RUVBL1: variants seen among roughly 807,000 people sequenced by gnomAD.
The protein encoded by RUVBL1 is RuvB like AAA ATPase 1, also known as ruvB-like 1.
A neutral mutation model predicts 52.4 loss-of-function variants in RUVBL1; 4 were observed. The ratio of observed to expected loss-of-function variants is 0.08; its 90% confidence interval spans 0.04 to 0.17. The LOEUF is 0.17. Ranked by LOEUF, RUVBL1 falls within the 10% of genes least tolerant of loss-of-function variation. The probability of loss-of-function intolerance (pLI) is 1.00; values close to 1 mark genes in which losing one functional copy is unlikely to be tolerated. For missense variants in RUVBL1, 298 were observed against 572.8 expected (o/e 0.52, Z 4.90); for synonymous variants, 217 against 214.4 (o/e 1.01, Z -0.10).
chr3:128,087,881 A>C (rs767921931), intron 8 of RUVBL1, 73 bp from the exon 9 acceptor site: 5 of 1,063,820 alleles, frequency 4.7e-6, no homozygotes, highest in Non-Finnish European at 4.4e-6. Context: ...ATACAGATCC[A>C]ACACTCACAC....
chr3:128,064,933 G>C, exon 10 of RUVBL1: 1 of 1,614,208 alleles, frequency 6.2e-7, no homozygotes, highest in Non-Finnish European at 8.5e-7. Context: ...CACACGCACA[G>C]ACAAGGTCCG....
At chr3:128,145,417 T>A (rs995911315) in intron 1 of RUVBL1, among the ~76,000 whole-genome samples, 4 of 152,216 alleles carry the variant, frequency 2.6e-5, no homozygotes, top group African/African-American at 9.6e-5. Context: ...TCAGTTTCAC[T>A]GTGAGTTTCT....
chr3:128,099,564 C>G (rs9841892), intron 6 of RUVBL1, among the ~76,000 whole-genome samples: 4,332 of 152,274 alleles, frequency 0.028, 204 homozygotes, highest in African/African-American at 0.097. Context: ...ATGGCTGACT[C>G]CATAACAGGT....
At chr3:128,073,833 C>T (rs1459703424) in intron 9 of RUVBL1, among the ~76,000 whole-genome samples, 3 of 152,220 alleles carry the variant, frequency 2.0e-5, no homozygotes, top group Admixed American at 2.0e-4. Flanking sequence ...AGGCTAGAAA[C>T]ATCTAAATGC....
chr3:128,083,846 G>A (rs973020786), intron 9 of RUVBL1: 5 of 152,428 alleles, frequency 3.3e-5, no homozygotes, highest in African/African-American at 1.2e-4. Flanking sequence ...GGGAGGCGGA[G>A]GCAGGTGGAT....
intron 6 of RUVBL1, among the ~76,000 whole-genome samples, chr3:128,099,293 C>A (rs943993539): frequency 6.6e-6 from 1 of 152,174 alleles, no homozygotes; most frequent in African/African-American, 2.4e-5. Context: ...TGAGTCTATT[C>A]CATCTGCCAG....
chr3:128,098,838 C>A (rs774897668), intron 7 of RUVBL1, 44 bp downstream of exon 7: 2 of 1,559,450 alleles, frequency 1.3e-6, no homozygotes, highest in Non-Finnish European at 1.8e-6. Context: ...AATGTGGGGC[C>A]CTCCGCCCTG....
chr3:128,074,549 A>G (rs1942252477), intron 9 of RUVBL1, among the ~76,000 whole-genome samples: 1 of 152,188 alleles, frequency 6.6e-6, no homozygotes, highest in Non-Finnish European at 1.5e-5. Context: ...ACGTTTAAAA[A>G]TAACCATAAG....
intron 9 of RUVBL1, chr3:128,069,672 C>T (rs1438483999): frequency 6.2e-7 from 1 of 1,613,280 alleles, no homozygotes; most frequent in East Asian, 2.2e-5. Flanking sequence ...AGCCCGTCTC[C>T]CGGACAGGTT....
chr3:128,130,655 A>T (rs1296648037), intron 1 of RUVBL1, among the ~76,000 whole-genome samples: 1 of 145,278 alleles, frequency 6.9e-6, no homozygotes, highest in Non-Finnish European at 1.5e-5. Flanking sequence ...TTATTTATTT[A>T]TTTATTTATT....
In RUVBL1 at chr3:128,067,556, T is replaced by C; in HGVS notation, c.940-2336A>G. ...TGTATACATAGTGTTCATGCTGGGC[T>C]CCTGTGCATTCTTCTCCAAAACGTG... On this transcript the variant is annotated intron_variant, in intron 9 of 9. Coordinates refer to the RUVBL1 transcript ENST00000464873. The surrounding 1 kb of genome is among the most constrained non-coding windows in gnomAD (Gnocchi z 4.1). 1 of 1,613,412 alleles carries C rather than the reference T, an allele frequency of 6.2e-7. No individual in the cohort carries two copies. The highest frequency in any genetic ancestry group is 8.5e-7 in the Non-Finnish European group (1 of 1,179,822).
At chr3:128,150,791 CTATATATTATATATTCTATATAT>C (rs1559841368) in intron 1 of RUVBL1, among the ~76,000 whole-genome samples, 2 of 69,806 alleles carry the variant, frequency 2.9e-5, no homozygotes, top group African/African-American at 1.1e-4. Flanking sequence ...TATATATATT[CTATATATTATATATTCTATATAT>C]TATATATTCT....
At chr3:128,079,047 A>G (rs9854763), downstream of RUVBL1, 35,559 of 152,158 alleles carry the variant, frequency 0.23, 4,245 homozygotes, top group South Asian at 0.27. Flanking sequence ...TGATCTGGAT[A>G]TTGGTACCTT....
At chr3:128,153,384 C>G in exon 1 of RUVBL1, 3 of 1,390,500 alleles carry the variant, frequency 2.2e-6, no homozygotes, top group Non-Finnish European at 2.8e-6. Flanking sequence ...GCGGAAGCTT[C>G]CGGGCCGGAA....
chr3:128,067,128 G>T lies in RUVBL1; in HGVS notation c.940-1908C>A. ...AGCTCGCTTCAGTGGCAACTTGCTG[G>T]TCAGCCTGCTGGGCACCTGGTCGGT... On this transcript the variant is annotated intron_variant, in intron 9 of 9. Transcript: ENST00000464873. The surrounding 1 kb of genome is among the most constrained non-coding windows in gnomAD (Gnocchi z 4.1). The T allele has an allele frequency of 6.2e-7, 1 of 1,614,198 alleles. No homozygotes were observed. The highest frequency in any genetic ancestry group is 1.3e-5 in the African/African-American group (1 of 75,044).
intron 1 of RUVBL1, among the ~76,000 whole-genome samples, chr3:128,145,063 A>AGT (rs1280226214): frequency 6.6e-6 from 1 of 152,220 alleles, no homozygotes; most frequent in East Asian, 1.9e-4. Context: ...AGACAAAGTC[A>AGT]GTGTCTTCAT....
At chr3:128,120,995 T>A (rs1455616224) in intron 1 of RUVBL1, among the ~76,000 whole-genome samples, 5 of 146,952 alleles carry the variant, frequency 3.4e-5, no homozygotes, top group Non-Finnish European at 6.0e-5. Context: ...AAAAAAAAAA[T>A]GATGTAAGCA....
chr3:128,146,425 C>T (rs1452170947), intron 1 of RUVBL1, among the ~76,000 whole-genome samples: 1 of 142,974 alleles, frequency 7.0e-6, no homozygotes, highest in Non-Finnish European at 1.5e-5. Flanking sequence ...TGTCTCTGTG[C>T]GTGTGCACGG....
At position 128,150,857 on chromosome 3, in the gene RUVBL1, TTATATATTA is replaced by T. The variant is rs1944185487; in HGVS notation, c.-40+2337_-40+2345del. On this transcript the variant is annotated intron_variant, in intron 1 of 9. Coordinates refer to the RUVBL1 transcript ENST00000464873. ...ATATATTCTATATATATTCTATATA[TTATATATTA>T]TATATATATATTCTATATATATATT... is the stretch of plus-strand genomic sequence containing the variant. Among the ~76,000 whole-genome samples the T allele has an allele frequency of 9.8e-5, 8 of 81,436 alleles. 1 individual carries two copies. Among genetic ancestry groups the T allele is most frequent in the Admixed American group, 6.4e-4 (3 of 4,690 alleles). The allele number at this position is 81,436 out of a possible 152,430, so 53.4% of individuals were successfully genotyped here. A position where few individuals can be genotyped will look rare whatever the true frequency, so the allele number is the denominator to read the frequency against.
Sources: gnomAD v4.1 joint callset for allele counts (sites outside exome capture counted in the v4.1 genomes callset) on GRCh38, gnomAD v4.1.1 for gene constraint, Gnocchi (gnomAD v3.1) non-coding constraint, MANE v1.5 for transcripts, NCBI Gene and HGNC (gene_info 2026-07-23, HGNC 2026-07-21) for gene names.